ZFHX3: variants seen among roughly 807,000 people sequenced by gnomAD.
ZFHX3 encodes zinc finger homeobox protein 3.
Under a neutral mutation model 279.1 loss-of-function variants are expected in ZFHX3, and 42 were observed. The observed-to-expected ratio is 0.15, with a 90% confidence interval of 0.12 to 0.19. The LOEUF (loss-of-function observed/expected upper bound fraction) is 0.19. Ranked by LOEUF, ZFHX3 falls within the 10% of genes least tolerant of loss-of-function variation. The pLI, the probability that ZFHX3 is intolerant of heterozygous loss-of-function variation, is 1.00. For synonymous variants in ZFHX3, 2,293 were observed against 1,957.8 expected (o/e 1.17, Z -4.52); for missense variants, 4,981 against 4,754.0 (o/e 1.05, Z -1.40).
chr16:73,651,666 C>A (rs1483998193), intron 2 of ZFHX3, among the ~76,000 whole-genome samples: 1 of 121,662 alleles, frequency 8.2e-6, no homozygotes, highest in Admixed American at 9.5e-5. Flanking sequence ...GAAACCCCAT[C>A]TCTACTAAAA....
intron 5 of ZFHX3, among the ~76,000 whole-genome samples, chr16:73,157,585 C>A (rs1174109486): frequency 6.6e-6 from 1 of 151,536 alleles, no homozygotes; most frequent in African/African-American, 2.4e-5. Flanking sequence ...CTTAGCAGTT[C>A]ATTGTTTCCA....
intron 1 of ZFHX3, among the ~76,000 whole-genome samples, chr16:73,699,075 A>G (rs549301729): frequency 1.3e-5 from 2 of 152,216 alleles, no homozygotes; most frequent in East Asian, 1.9e-4. Context: ...AGTAGAGACA[A>G]GGTTTCACCA....
intron 3 of ZFHX3, among the ~76,000 whole-genome samples, chr16:73,404,253 G>T (rs1036566679): frequency 6.6e-6 from 1 of 152,116 alleles, no homozygotes; most frequent in Non-Finnish European, 1.5e-5. Flanking sequence ...CTGGACAGAG[G>T]ATCCCCTTAA....
At chr16:73,440,965 G>A (rs1749599527) in intron 3 of ZFHX3, among the ~76,000 whole-genome samples, 1 of 152,270 alleles carries the variant, frequency 6.6e-6, no homozygotes, top group Middle Eastern at 3.4e-3. Flanking sequence ...TAAGTTATTA[G>A]GGAAGAGAGA....
chr16:73,410,094 G>A (rs116242158), intron 3 of ZFHX3, among the ~76,000 whole-genome samples: 184 of 152,254 alleles, frequency 1.2e-3, no homozygotes, highest in African/African-American at 4.0e-3. Flanking sequence ...GGTGACTAAA[G>A]TCAACAATAA....
intron 3 of ZFHX3, among the ~76,000 whole-genome samples, chr16:72,932,115 C>CCT (rs1454668261): frequency 2.6e-5 from 4 of 152,128 alleles, no homozygotes; most frequent in Non-Finnish European, 5.9e-5. Flanking sequence ...CCCTGAGTGT[C>CCT]CTGTGTACTC....
chr16:73,697,628 A>T (rs1231564014), intron 1 of ZFHX3, among the ~76,000 whole-genome samples: 1 of 152,216 alleles, frequency 6.6e-6, no homozygotes, highest in Non-Finnish European at 1.5e-5. Flanking sequence ...GACTTGGCTT[A>T]AAATTCTACA....
chr16:73,048,569 G>A (rs1965386202), upstream of ZFHX3, among the ~76,000 whole-genome samples: 1 of 152,198 alleles, frequency 6.6e-6, no homozygotes, highest in South Asian at 2.1e-4. Flanking sequence ...TCAGGGGCCG[G>A]CCTAGAATCG....
chr16:73,814,838 G>T, intron 1 of ZFHX3, among the ~76,000 whole-genome samples: 1 of 152,100 alleles, frequency 6.6e-6, no homozygotes, highest in Admixed American at 6.5e-5. Flanking sequence ...AAAGTGCTGG[G>T]ATTACAGGAG....
At chr16:73,650,517 A>C (rs1055737916) in intron 2 of ZFHX3, among the ~76,000 whole-genome samples, 1 of 152,174 alleles carries the variant, frequency 6.6e-6, no homozygotes, top group Non-Finnish European at 1.5e-5. Context: ...GACATCAAAA[A>C]GCTATCCTCA....
chr16:73,316,615 G>A (rs1045324368), intron 4 of ZFHX3, among the ~76,000 whole-genome samples: 14 of 152,136 alleles, frequency 9.2e-5, no homozygotes, highest in African/African-American at 3.4e-4. Flanking sequence ...TTGAAAGAAA[G>A]GATCTCGTCT....
intron 1 of ZFHX3, chr16:73,014,919 C>G (rs911599732): frequency 2.6e-5 from 4 of 152,086 alleles, no homozygotes; most frequent in Non-Finnish European, 5.9e-5. Flanking sequence ...GAAGGGTTCA[C>G]CCTACCAAGG....
chr16:73,795,048 G>C (rs942012642), intron 1 of ZFHX3, among the ~76,000 whole-genome samples: 6 of 152,180 alleles, frequency 3.9e-5, no homozygotes, highest in Non-Finnish European at 7.3e-5. Flanking sequence ...AGGAAGCTCA[G>C]TGCTTGGAAC....
intron 3 of ZFHX3, among the ~76,000 whole-genome samples, chr16:73,416,516 A>G (rs2143476442): frequency 6.6e-6 from 1 of 152,306 alleles, no homozygotes; most frequent in South Asian, 2.1e-4. Context: ...CTGTGAGGAT[A>G]CCACAGTCAT....
chr16:73,852,553 G>A (rs1241257362), intron 1 of ZFHX3, among the ~76,000 whole-genome samples: 1 of 152,134 alleles, frequency 6.6e-6, no homozygotes, highest in Non-Finnish European at 1.5e-5. Flanking sequence ...TTAAAAAGGG[G>A]TATCTAAAGG....
At chr16:73,611,584 C>G (rs939241116) in intron 2 of ZFHX3, among the ~76,000 whole-genome samples, 4 of 151,988 alleles carry the variant, frequency 2.6e-5, no homozygotes, top group African/African-American at 4.8e-5. Flanking sequence ...GTTAAGCAAC[C>G]ACATACTCTT....
At chr16:73,212,945 G>A (rs564292219) in intron 5 of ZFHX3, among the ~76,000 whole-genome samples, 5 of 152,280 alleles carry the variant, frequency 3.3e-5, no homozygotes, top group African/African-American at 9.6e-5. Flanking sequence ...AAGTGCATGC[G>A]TGTAAACCCT....
intron 2 of ZFHX3, among the ~76,000 whole-genome samples, chr16:73,458,493 A>T (rs2018415071): frequency 1.3e-5 from 2 of 152,016 alleles, no homozygotes; most frequent in South Asian, 2.1e-4. Context: ...CTCATGCCTC[A>T]GCCTCCTGAG....
intron 2 of ZFHX3, among the ~76,000 whole-genome samples, chr16:73,515,093 G>C (rs1359304297): frequency 3.3e-5 from 5 of 152,116 alleles, no homozygotes; most frequent in Non-Finnish European, 7.4e-5. Context: ...AGAATGTTTA[G>C]AGTCTTGCAC....
Sources: gnomAD v4.1 joint callset for allele counts (sites outside exome capture counted in the v4.1 genomes callset) on GRCh38, gnomAD v4.1.1 for gene constraint, MANE v1.5 for transcripts, NCBI Gene and HGNC (gene_info 2026-07-23, HGNC 2026-07-21) for gene names.